The following HNF4A variants were observed in gnomAD, a reference collection of about 807,000 sequenced individuals.
HNF4A encodes hepatocyte nuclear factor 4 alpha, also known as hepatocyte nuclear factor 4-alpha.
Under a neutral mutation model 52.4 loss-of-function variants are expected in HNF4A, and 15 were observed. The ratio of observed to expected loss-of-function variants is 0.29; its 90% CI spans 0.19 to 0.44. The LOEUF (loss-of-function observed/expected upper bound fraction) is 0.44, where lower values mean the gene tolerates loss of function less well. Ranked by LOEUF, HNF4A falls within the 20% of genes least tolerant of loss-of-function variation. The probability of loss-of-function intolerance (pLI) is 1.00; values close to 1 mark genes in which losing one functional copy is unlikely to be tolerated. For missense variants in HNF4A, 479 were observed against 647.2 expected (o/e 0.74, Z 2.82); for synonymous variants, 280 against 264.4 (o/e 1.06, Z -0.57).
At chr20:44,428,995 T>C (rs919857607) in intron 9 of HNF4A, among the ~76,000 whole-genome samples, 3 of 152,254 alleles carry the variant, frequency 2.0e-5, no homozygotes, top group Non-Finnish European at 4.4e-5. Flanking sequence ...TTACTGACAT[T>C]GTTCTCAGGG....
chr20:44,413,910 G>A (rs925219528), intron 4 of HNF4A, 110 bp downstream of exon 4: 3 of 758,926 alleles, frequency 4.0e-6, no homozygotes, highest in East Asian at 2.7e-5. Flanking sequence ...GACGGGAGGG[G>A]CCTCAGATAT....
intron 1 of HNF4A, among the ~76,000 whole-genome samples, chr20:44,367,190 C>T (rs1417531528): frequency 6.6e-6 from 1 of 152,046 alleles, no homozygotes; most frequent in African/African-American, 2.4e-5. Flanking sequence ...ACAAAATTAG[C>T]CAGGAGTGGT....
intron 1 of HNF4A, among the ~76,000 whole-genome samples, chr20:44,360,449 A>G (rs761160509): frequency 6.6e-6 from 1 of 152,088 alleles, no homozygotes; most frequent in African/African-American, 2.4e-5. Flanking sequence ...AAGTAGATGG[A>G]TGGAAAGATA....
At chr20:44,371,707 C>T (rs2063035896) in intron 1 of HNF4A, among the ~76,000 whole-genome samples, 1 of 152,102 alleles carries the variant, frequency 6.6e-6, no homozygotes, top group Non-Finnish European at 1.5e-5. Context: ...CGCCTGTAAT[C>T]CCAGCTACTT....
chr20:44,391,945 C>G (rs2063306924), intron 1 of HNF4A: 1 of 151,962 alleles, frequency 6.6e-6, no homozygotes, highest in African/African-American at 2.4e-5. Flanking sequence ...AGCACCAATT[C>G]AAAACTAAAT....
At chr20:44,385,059 CTTTTTTTTTTTTTTTT>C (rs775721024) in intron 1 of HNF4A, among the ~76,000 whole-genome samples, 2 of 34,970 alleles carry the variant, frequency 5.7e-5, no homozygotes, top group Non-Finnish European at 9.1e-5. Flanking sequence ...ACTCTGTGAT[CTTTTTTTTTTTTTTTT>C]TTTTTTTTTT....
chr20:44,388,774 C>G (rs2063266083), intron 1 of HNF4A, among the ~76,000 whole-genome samples: 1 of 152,216 alleles, frequency 6.6e-6, no homozygotes, highest in Non-Finnish European at 1.5e-5. Context: ...TCCGGCCCAG[C>G]GCGGTGCCTG....
intron 1 of HNF4A, among the ~76,000 whole-genome samples, chr20:44,384,135 G>C (rs1365035586): frequency 6.8e-6 from 1 of 148,060 alleles, no homozygotes; most frequent in Non-Finnish European, 1.5e-5. Context: ...ACAGGTGTGA[G>C]CCATCACGCC....
At chr20:44,424,703 G>C (rs1442765613) in intron 8 of HNF4A, 2 of 871,056 alleles carry the variant, frequency 2.3e-6, no homozygotes, top group Non-Finnish European at 3.1e-6. Context: ...TCTCTGAAGT[G>C]GTGACTCTTG....
chr20:44,403,792 TCA>T (rs557545578), intron 1 of HNF4A, among the ~76,000 whole-genome samples: 40 of 152,122 alleles, frequency 2.6e-4, no homozygotes, highest in Non-Finnish European at 5.3e-4. Context: ...TCTCTAAGCC[TCA>T]GTGTCCTCAT....
In HNF4A at chr20:44,376,213, C is replaced by T. The variant is rs575999804; in HGVS notation, c.49+20360C>T. Among the ~76,000 whole-genome samples, 3 of 152,116 alleles carry T rather than the reference C, an allele frequency of 2.0e-5. No homozygotes were observed. The South Asian group carries it at 6.2e-4, about 32-fold the overall frequency. On this transcript the variant is annotated intron_variant, in intron 1 of 9. Transcript: ENST00000316673. ...CCGGGAGGCAGAGGTTGCAGTGAGC[C>T]GAGATCATGCCACTGCACTCCAGCC... is the stretch of plus-strand genomic sequence containing the variant.
At position 44,411,906 on chromosome 20, in the gene HNF4A, A is replaced by T. The variant is rs930203175; in HGVS notation, c.386-1788A>T. On this transcript the variant is annotated intron_variant, in intron 3 of 9. Transcript: ENST00000316099. ...CCCCGTCTCTCAAAAAAAAAAAAAAATTTAGCCAGGCGTGGTGGCACACGC... is the reference window on the plus strand; with the variant it reads ...CCCCGTCTCTCAAAAAAAAAAAAAATTTTAGCCAGGCGTGGTGGCACACGC... Among the ~76,000 whole-genome samples the T allele has an allele frequency of 1.1e-4, 16 of 151,654 alleles. No homozygotes were observed. The East Asian group carries it at 2.3e-3, about 22-fold the overall frequency.
chr20:44,398,492 C>T (rs574206730), upstream of HNF4A, among the ~76,000 whole-genome samples: 6 of 152,102 alleles, frequency 3.9e-5, no homozygotes, highest in African/African-American at 1.2e-4. Context: ...ATAGGTGGTG[C>T]GTCATTTATA....
rs1341434975 is a variant in HNF4A at position 44,404,657 on chromosome 20, CTG to C, written c.116-1396_116-1395del. Among the ~76,000 whole-genome samples, 9 of 148,098 alleles carry C rather than the reference CTG, an allele frequency of 6.1e-5. No homozygotes were observed. In the East Asian group the frequency reaches 1.0e-3, roughly 17 times the overall value. On this transcript the variant is annotated intron_variant, in intron 1 of 9. Coordinates refer to ENST00000316099, the MANE Select transcript of HNF4A (RefSeq NM_000457.6). ...TGCAAGTGTGTGCAATGTATGTGGACTGTGTGCATGTGTGGACTGTGTGTATG... is the reference window on the plus strand; with the variant it reads ...TGCAAGTGTGTGCAATGTATGTGGACTGTGCATGTGTGGACTGTGTGTATG...
intron 1 of HNF4A, among the ~76,000 whole-genome samples, chr20:44,356,771 G>GT (rs2062863433): frequency 6.6e-6 from 1 of 152,200 alleles, no homozygotes. Context: ...TCAAGAGAAT[G>GT]TTTTATCTTT....
rs778568419 is a variant in HNF4A, at chr20:44,424,258, C to G, written c.1129+4C>G. The G allele has an allele frequency of 1.9e-6, 3 of 1,613,588 alleles. No individual in the cohort carries two copies. Among genetic ancestry groups the G allele is most frequent in the African/African-American group, 2.7e-5 (2 of 74,946 alleles). ...TTGCAGGAGATGCTGCTGGGAGGTC[C>G]GTGCCAAGCCCAGGAGGGGCGGGGT... On this transcript the variant is annotated splice_donor_region_variant and intron_variant, in intron 8 of 9. Transcript: ENST00000316099.
chr20:44,403,986 C>A (rs578142763), intron 1 of HNF4A, among the ~76,000 whole-genome samples: 1 of 152,264 alleles, frequency 6.6e-6, no homozygotes, highest in Non-Finnish European at 1.5e-5. Context: ...AGGGCACCCA[C>A]GTGGCTTAAC....
At chr20:44,421,846 A>T (rs1255981011) in intron 7 of HNF4A, among the ~76,000 whole-genome samples, 2 of 146,254 alleles carry the variant, frequency 1.4e-5, no homozygotes, top group Non-Finnish European at 3.0e-5. Flanking sequence ...TATATTACGT[A>T]TAATATATAT....
At chr20:44,358,607 T>C (rs1051673904) in intron 1 of HNF4A, among the ~76,000 whole-genome samples, 1 of 149,638 alleles carries the variant, frequency 6.7e-6, no homozygotes, top group African/African-American at 2.4e-5. Context: ...CAAGACTCTA[T>C]CTCAAAAAAA....
Sources: allele counts gnomAD v4.1 joint callset (sites outside exome capture counted in the v4.1 genomes callset), GRCh38; gene constraint gnomAD v4.1.1; transcripts MANE v1.5; gene names NCBI Gene and HGNC (gene_info 2026-07-23, HGNC 2026-07-21).